Variants in ENTR1 observed in about 807,000 individuals in gnomAD.
ENTR1 encodes the protein endosome associated trafficking regulator 1.
Under a neutral mutation model 47.9 loss-of-function variants are expected in ENTR1, and 47 were observed. The ratio of observed to expected loss-of-function variants is 0.98; its 90% CI spans 0.78 to 1.25. The LOEUF (loss-of-function observed/expected upper bound fraction) is 1.25, where lower values mean the gene tolerates loss of function less well. ENTR1 is among the 50% of genes most tolerant of loss of function. The probability of loss-of-function intolerance (pLI) is 0.00; values close to 1 mark genes in which losing one functional copy is unlikely to be tolerated. For synonymous variants in ENTR1, 290 were observed against 245.8 expected, an observed-to-expected ratio of 1.18 and a Z score of -1.68; for missense variants, 668 against 570.5, an observed-to-expected ratio of 1.17 and a Z score of -1.74.
At chr9:136,403,467 G>A (rs1564404546) in intron 9 of ENTR1, among the ~76,000 whole-genome samples, 1 of 102,404 alleles carries the variant, frequency 9.8e-6, no homozygotes, top group Non-Finnish European at 2.2e-5. Flanking sequence ...GTTTGCCGGG[G>A]GAAGAAAGGG....
Position 136,402,519 on chromosome 9 carries a change from GA to G in ENTR1, c.*268del, listed in dbSNP as rs1313326633. The G allele has an allele frequency of 3.1e-6, 1 of 326,964 alleles. No individual in the cohort carries two copies. Among genetic ancestry groups the G allele is most frequent in the African/African-American group, 2.1e-5 (1 of 46,890 alleles). The allele number at this position is 326,964 out of a possible 1,614,324, so 20.3% of individuals were successfully genotyped here. A position where few individuals can be genotyped will look rare whatever the true frequency, so the allele number is the denominator to read the frequency against. ...TTTTCTTAAAATCACTGGCTTTTATGACAATGTCTTCCAAGAGCTCATTAGA... is the reference window on the plus strand; with the variant it reads ...TTTTCTTAAAATCACTGGCTTTTATGCAATGTCTTCCAAGAGCTCATTAGA... On this transcript the variant is annotated 3_prime_UTR_variant, in exon 10 of 10. Transcript: ENST00000357365.
Position 136,407,560 on chromosome 9 carries a change from TC to T in ENTR1, c.403del (p.Glu135LysfsTer98). Reference sequence around the variant, plus strand: ...AAGTCCCAGGGAATGCCTCGAGGCTTCCTAAAAAAAAAAAAAAAAAAAAAAC... The same window carrying T: ...AAGTCCCAGGGAATGCCTCGAGGCTTCTAAAAAAAAAAAAAAAAAAAAAAC... ...EDPASRIYAK[E>X]ASRHSLGLDH... On this transcript the variant is annotated frameshift_variant and splice_region_variant, in exon 5 of 10. Transcript: ENST00000357365. LOFTEE classifies it high-confidence loss of function. 5 of 1,377,082 alleles carry T rather than the reference TC, an allele frequency of 3.6e-6. No individual in the cohort carries two copies. Among genetic ancestry groups the T allele is most frequent in the Non-Finnish European group, 4.7e-6 (5 of 1,068,568 alleles). 85.3% of individuals were successfully genotyped at this position (1,377,082 alleles called of 1,614,324 possible).
In ENTR1 at chr9:136,410,222, G is replaced by T. The variant is rs764483737; in HGVS notation, c.88C>A (p.Arg30Ser). Residue 30 changes from arginine to serine, a missense_variant, in exon 2 of 10, where the codon CGC becomes AGC. By Grantham distance (110) the Arg-to-Ser change is moderately radical. Coordinates refer to ENST00000357365, the MANE Select transcript of ENTR1 (RefSeq NM_001039707.2). Reference protein sequence around the residue: ...AIPDAPAFYERRSCLPQLNCE... With the variant: ...AIPDAPAFYESRSCLPQLNCE... ...TTTAGCTGGGGGAGACAAGACCGGC[G>T]CTCATAGAACGCTGGAGCTGGAAGC... 2 of 1,586,458 alleles carry T rather than the reference G, an allele frequency of 1.3e-6. No individual in the cohort carries two copies. The highest frequency in any genetic ancestry group is 1.1e-5 in the South Asian group (1 of 87,744).
In ENTR1 at chr9:136,407,881, T is replaced by C; in HGVS notation, c.347A>G (p.Lys116Arg). Residue 116 changes from lysine (K) to arginine (R), a missense_variant, in exon 4 of 10, where the codon AAG (lysine) becomes AGG (arginine). Physicochemically the swap from Lys to Arg is conservative, Grantham distance 26. Transcript: ENST00000357365. Reference sequence around the variant, plus strand: ...TTTCGAGAGGCCGAGGTTCTTGGTCTTCAGAAACTCTCTAAAAGAGAATGG... The same window carrying C: ...TTTCGAGAGGCCGAGGTTCTTGGTCCTCAGAAACTCTCTAAAAGAGAATGG... Reference protein sequence around the residue: ...ANPFSFREFLKTKNLGLSKED... With the variant: ...ANPFSFREFLRTKNLGLSKED... 1 of 1,613,696 alleles carries C rather than the reference T, an allele frequency of 6.2e-7. No homozygotes were observed. Among genetic ancestry groups the C allele is most frequent in the Non-Finnish European group, 8.5e-7 (1 of 1,179,636 alleles).
At chr9:136,406,536 G>A (rs991905328) in intron 5 of ENTR1, among the ~76,000 whole-genome samples, 2 of 151,888 alleles carry the variant, frequency 1.3e-5, no homozygotes, top group African/African-American at 4.8e-5. Flanking sequence ...GAGTACAGTG[G>A]CGTGACCTCG....
chr9:136,410,199 T>C lies in ENTR1; in HGVS notation c.111A>G (p.Leu37=). The part of the protein sequence containing the change: ...FYERRSCLPQ[L]NCERPHGRDL... ...CCCTGCCATGGGGGCGCTCACAATT[T>C]AGCTGGGGGAGACAAGACCGGCGCT... The change falls in exon 2 of 10, where the codon CTA becomes CTG. Residue 37 remains leucine (L), a synonymous_variant. Coordinates refer to ENST00000357365, the MANE Select transcript of ENTR1 (RefSeq NM_001039707.2). 6.2e-7 allele frequency: 1 copy of C among 1,602,096 alleles called. No individual in the cohort carries two copies. Among genetic ancestry groups the C allele is most frequent in the Non-Finnish European group, 8.5e-7 (1 of 1,175,484 alleles).
Position 136,407,167 on chromosome 9 carries a change from G to A in ENTR1, c.797C>T (p.Thr266Met), listed in dbSNP as rs770978543. The A allele has an allele frequency of 4.0e-5, 64 of 1,604,270 alleles. 1 individual carries two copies. The highest frequency in any genetic ancestry group is 2.2e-4 in the South Asian group (20 of 90,776). Residue 266 changes from threonine (T) to methionine (M), a missense_variant, in exon 5 of 10, where the codon ACG becomes ATG. Transcript: ENST00000357365. ...GESLGDRHLR[T>M]LQISYDALKD... ...TACTGCGTCGTAACTTATCTGCAGC[G>A]TCCGCAGGTGCCTGTCTCCCAGAGA...
At position 136,407,353 on chromosome 9, in the gene ENTR1, C is replaced by T; in HGVS notation, c.611G>A (p.Gly204Asp). 1 of 1,607,312 alleles carries T rather than the reference C, an allele frequency of 6.2e-7. No individual in the cohort carries two copies. Among genetic ancestry groups the T allele is most frequent in the Non-Finnish European group, 8.5e-7 (1 of 1,177,852 alleles). Reference sequence around the variant, plus strand: ...AAGGTATGTGCTGCAGGGCGACGTGCCGGCAGGGACCCTCTCGGGGTGAGT... The same window carrying T: ...AAGGTATGTGCTGCAGGGCGACGTGTCGGCAGGGACCCTCTCGGGGTGAGT... ...EQTHPERVPA[G>D]TSPCSTYLSF... Residue 204 changes from glycine (G) to aspartate (D), a missense_variant, in exon 5 of 10, where the codon GGC (glycine) becomes GAC (aspartate). Gly to Asp is a moderately conservative substitution (Grantham distance 94). Coordinates refer to ENST00000357365, the MANE Select transcript of ENTR1 (RefSeq NM_001039707.2).
At position 136,404,199 on chromosome 9, in the gene ENTR1, G is replaced by A. The variant is rs749054195; in HGVS notation, c.1069-5C>T. The A allele has an allele frequency of 2.5e-6, 4 of 1,604,642 alleles. No individual in the cohort carries two copies. Among genetic ancestry groups the A allele is most frequent in the Admixed American group, 3.4e-5 (2 of 58,998 alleles). On this transcript the variant is annotated splice_region_variant and splice_polypyrimidine_tract_variant and intron_variant, in intron 8 of 9. Coordinates refer to ENST00000357365, the MANE Select transcript of ENTR1 (RefSeq NM_001039707.2). ...CTGGAAGTTGGAGACCTGCGCCTGG[G>A]GGGACGGTTACGGCTAAGGACAGAG... is the stretch of plus-strand genomic sequence containing the variant.
chr9:136,409,009 T>A lies in ENTR1; in HGVS notation c.279A>T (p.Thr93=), dbSNP rs1374778412. ...SKQSPSGAHG[T]HFGDDRFEDL... is the part of the protein sequence containing the mutation. ...GCTGAACTACTCTACCTCCAAAATG[T>A]GTCCCGTGGGCTCCTGACGGGCTCT... Residue 93 remains threonine (T), a synonymous_variant, in exon 3 of 10, where the codon ACA becomes ACT. Transcript: ENST00000357365. 4 of 1,613,728 alleles carry A rather than the reference T, an allele frequency of 2.5e-6. No homozygotes were observed. Among genetic ancestry groups the A allele is most frequent in the Non-Finnish European group, 3.4e-6 (4 of 1,179,896 alleles).
Position 136,402,826 on chromosome 9 carries a change from T to C in ENTR1, c.1270A>G (p.Arg424Gly), listed in dbSNP as rs1834548389. 5 of 1,613,070 alleles carry C rather than the reference T, an allele frequency of 3.1e-6. No homozygotes were observed. The highest frequency in any genetic ancestry group is 4.2e-6 in the Non-Finnish European group (5 of 1,179,856). ...LVAEILKSID[R>G]ISEVKDEEED... is the part of the protein sequence containing the mutation. Reference sequence around the variant, plus strand: ...TCCTCGTCTTTAACTTCAGAAATTCTGTCTATAGATTTAAGGATTTCGGCA... The same window carrying C: ...TCCTCGTCTTTAACTTCAGAAATTCCGTCTATAGATTTAAGGATTTCGGCA... The change falls in exon 10 of 10, where the codon AGA becomes GGA. Residue 424 changes from arginine to glycine, a missense_variant. Physicochemically the swap from Arg to Gly is moderately radical, Grantham distance 125. Transcript: ENST00000357365.
At chr9:136,405,786 A>G (rs1834734931) in intron 6 of ENTR1, 119 bp downstream of exon 6, 11 of 607,844 alleles carry the variant, frequency 1.8e-5, no homozygotes, top group South Asian at 2.2e-5. Flanking sequence ...GATGCTGAAC[A>G]TTTATATACA....
At chr9:136,403,672 G>A (rs1834620825) in intron 9 of ENTR1, among the ~76,000 whole-genome samples, 1 of 152,118 alleles carries the variant, frequency 6.6e-6, no homozygotes, top group South Asian at 2.1e-4. Context: ...CACAGTCATG[G>A]TGGCTGGCGT....
At position 136,409,046 on chromosome 9, in the gene ENTR1, T is replaced by C. The variant is rs766222643; in HGVS notation, c.242A>G (p.Lys81Arg). 3.7e-6 allele frequency: 6 copies of C among 1,613,966 alleles called. No homozygotes were observed. In the Admixed American group the frequency reaches 8.3e-5, roughly 22 times the overall value. Residue 81 changes from lysine (K) to arginine (R), a missense_variant, in exon 3 of 10, where the codon AAA becomes AGA. Transcript: ENST00000357365. Reference protein sequence around the residue: ...GDTDFGYGKGKCSKQSPSGAH... With the variant: ...GDTDFGYGKGRCSKQSPSGAH... ...TCCTGACGGGCTCTGCTTAGAACATTTCCCCTTTCCATAGCCAAAATCTGC... is the reference window on the plus strand; with the variant it reads ...TCCTGACGGGCTCTGCTTAGAACATCTCCCCTTTCCATAGCCAAAATCTGC...
At chr9:136,406,059 G>T in intron 5 of ENTR1, 81 bp from the exon 6 acceptor site, 1 of 978,252 alleles carries the variant, frequency 1.0e-6, no homozygotes, top group Non-Finnish European at 1.5e-6. Context: ...TGGCTCCAGA[G>T]CCTCCTGATA....
chr9:136,408,507 G>A (rs532947991), intron 3 of ENTR1, among the ~76,000 whole-genome samples: 3,255 of 151,430 alleles, frequency 0.021, 46 homozygotes, highest in Middle Eastern at 0.07. Flanking sequence ...GAACCTGGGA[G>A]GTGGAGCTTG....
rs561907145 is a variant in ENTR1 at position 136,408,987 on chromosome 9, G to GT, written c.289+11_289+12insA. ...ATGGAGACAAGAAGAAAAGGTTGCTGAACTACTCTACCTCCAAAATGTGTC... is the reference window on the plus strand; with the variant it reads ...ATGGAGACAAGAAGAAAAGGTTGCTGTAACTACTCTACCTCCAAAATGTGTC... On this transcript the variant is annotated intron_variant, in intron 3 of 9. Coordinates refer to ENST00000357365, the MANE Select transcript of ENTR1 (RefSeq NM_001039707.2). 1.2e-6 allele frequency: 2 copies of GT among 1,612,470 alleles called. No individual in the cohort carries two copies. The highest frequency in any genetic ancestry group is 2.7e-5 in the African/African-American group (2 of 74,978).
intron 6 of ENTR1, chr9:136,405,463 C>T (rs540847829): frequency 1.3e-4 from 57 of 450,920 alleles, no homozygotes; most frequent in African/African-American, 9.7e-4. Context: ...CTTGGCCAGG[C>T]GCCGTGGCTC....
At position 136,401,978 on chromosome 9, in the gene ENTR1, A is replaced by G. The variant is rs888577835; in HGVS notation, c.*810T>C. Reference sequence around the variant, plus strand: ...AAGCTATCAATTGGAACAGGAGGAAAAAAAAGTTTTAAAAAAAATCTATAG... The same window carrying G: ...AAGCTATCAATTGGAACAGGAGGAAGAAAAAGTTTTAAAAAAAATCTATAG... On this transcript the variant is annotated 3_prime_UTR_variant, in exon 10 of 10. Coordinates refer to ENST00000357365, the MANE Select transcript of ENTR1 (RefSeq NM_001039707.2). 6 of 152,384 alleles carry G rather than the reference A, an allele frequency of 3.9e-5. No homozygotes were observed. The highest frequency in any genetic ancestry group is 1.4e-4 in the African/African-American group (6 of 41,474). The allele number at this position is 152,384 out of a possible 1,614,324, so 9.4% of individuals were successfully genotyped here.
Sources: gnomAD v4.1 joint callset for allele counts (sites outside exome capture counted in the v4.1 genomes callset) on GRCh38, gnomAD v4.1.1 for gene constraint, MANE v1.5 for transcripts, NCBI Gene and HGNC (gene_info 2026-07-23, HGNC 2026-07-21) for gene names.